Variants in KMO observed in about 807,000 individuals in gnomAD.
The protein encoded by KMO is kynurenine 3-hydroxylase.
KMO carries 24 observed loss-of-function variants against 57.8 expected under a neutral mutation model. The ratio of observed to expected loss-of-function variants is 0.42; its 90% CI spans 0.30 to 0.58. The LOEUF (loss-of-function observed/expected upper bound fraction) is 0.58. Ranked by LOEUF, KMO falls within the 20% of genes least tolerant of loss-of-function variation. KMO has a pLI of 0.22. For missense variants in KMO, 483 were observed against 588.2 expected (o/e 0.82, Z 1.85); for synonymous variants, 210 against 193.6 (o/e 1.08, Z -0.70).
intron 12 of KMO, among the ~76,000 whole-genome samples, chr1:241,589,262 A>G (rs1663149807): frequency 6.6e-6 from 1 of 152,266 alleles, no homozygotes. Flanking sequence ...GCACTAAAAA[A>G]AAATGCATAA....
chr1:241,560,680 C>T lies in KMO; in HGVS notation c.377C>T (p.Pro126Leu). The T allele has an allele frequency of 6.2e-7, 1 of 1,612,424 alleles. No individual in the cohort carries two copies. The highest frequency in any genetic ancestry group is 8.5e-7 in the Non-Finnish European group (1 of 1,178,538). ...ATTTCCTCAGCTGCTGAGAAATACC[C>T]CAATGTGAAAATGCACTTTAACCAC... is the stretch of plus-strand genomic sequence containing the variant. ...KDLLTAAEKY[P>L]NVKMHFNHRL... is the part of the protein sequence containing the mutation. The change falls in exon 6 of 15, where the codon CCC (proline) becomes CTC (leucine). Residue 126 changes from proline to leucine, a missense_variant. This residue lies in a region of KMO where 410 missense variants were observed against 492.3 expected (regional missense o/e 0.83). Transcript: ENST00000366559.
At position 241,594,447 on chromosome 1, in the gene KMO, A is replaced by T; in HGVS notation, c.*2294A>T. 1 of 1,613,318 alleles carries T rather than the reference A, an allele frequency of 6.2e-7. No individual in the cohort carries two copies. Among genetic ancestry groups the T allele is most frequent in the Non-Finnish European group, 8.5e-7 (1 of 1,179,308 alleles). Reference sequence around the variant, plus strand: ...TCATTCCTACAAAGGACGAACTTGGATTACATCAACTTTGGACCCATTGGT... The same window carrying T: ...TCATTCCTACAAAGGACGAACTTGGTTTACATCAACTTTGGACCCATTGGT... On this transcript the variant is annotated 3_prime_UTR_variant, in exon 15 of 15. Transcript: ENST00000366559.
At chr1:241,561,777 C>A (rs1234481264) in intron 6 of KMO, among the ~76,000 whole-genome samples, 1 of 152,170 alleles carries the variant, frequency 6.6e-6, no homozygotes, top group African/African-American at 2.4e-5. Context: ...TTTTCTTAAG[C>A]TTTTCTTCTA....
At chr1:241,578,068 C>G (rs1015281711) in intron 10 of KMO, among the ~76,000 whole-genome samples, 4 of 152,138 alleles carry the variant, frequency 2.6e-5, no homozygotes, top group Non-Finnish European at 5.9e-5. Context: ...CTTGTGCAAG[C>G]CTGAGCCTGA....
chr1:241,571,913 C>A (rs1157104603), intron 10 of KMO, among the ~76,000 whole-genome samples: 1 of 128,976 alleles, frequency 7.8e-6, no homozygotes, highest in Non-Finnish European at 1.6e-5. Context: ...TGTTGCCAGG[C>A]TGGAGTGCAG....
chr1:241,591,494 C>T (rs1663299490), intron 14 of KMO, among the ~76,000 whole-genome samples: 1 of 152,006 alleles, frequency 6.6e-6, no homozygotes, highest in African/African-American at 2.4e-5. Flanking sequence ...CTGGAATGAG[C>T]CTCAGGCCAC....
Position 241,554,420 on chromosome 1 carries a change from C to T in KMO, c.313-1192C>T, listed in dbSNP as rs115060205. On this transcript the variant is annotated intron_variant, in intron 4 of 14. Transcript: ENST00000366559. Reference sequence around the variant, plus strand: ...CCTCAGCTTCCTGTGACTACAGGCACGCGCCACCAGACCCGGCTTGTTTTT... The same window carrying T: ...CCTCAGCTTCCTGTGACTACAGGCATGCGCCACCAGACCCGGCTTGTTTTT... Among the ~76,000 whole-genome samples, 425 of 151,830 alleles carry T rather than the reference C, an allele frequency of 2.8e-3. 2 individuals are homozygous for T. Among genetic ancestry groups the T allele is most frequent in the African/African-American group, 6.6e-3 (273 of 41,464 alleles).
intron 1 of KMO, among the ~76,000 whole-genome samples, chr1:241,535,112 A>G (rs1195004625): frequency 6.6e-6 from 1 of 152,182 alleles, no homozygotes. Context: ...ACTTAATGAT[A>G]TAAAGGTGAA....
At chr1:241,580,182 C>T (rs952257238) in intron 10 of KMO, among the ~76,000 whole-genome samples, 3 of 152,106 alleles carry the variant, frequency 2.0e-5, no homozygotes, top group African/African-American at 4.8e-5. Flanking sequence ...TTTAAAGGGT[C>T]TTATGGTTTC....
Position 241,539,502 on chromosome 1 carries a change from T to C in KMO, c.54+7004T>C, listed in dbSNP as rs544161996. Among the ~76,000 whole-genome samples the C allele has an allele frequency of 3.7e-4, 56 of 152,280 alleles. No homozygotes were observed. In the South Asian group the frequency reaches 6.8e-3, roughly 19 times the overall value. Reference sequence around the variant, plus strand: ...TGAGAAATTAAAAGCAAATAGAATCTAATGTAGGCTCTCAAAAACATCAAA... The same window carrying C: ...TGAGAAATTAAAAGCAAATAGAATCCAATGTAGGCTCTCAAAAACATCAAA... On this transcript the variant is annotated intron_variant, in intron 1 of 14. Transcript: ENST00000366559.
At chr1:241,575,394 A>C (rs1190361056) in intron 10 of KMO, among the ~76,000 whole-genome samples, 1 of 152,016 alleles carries the variant, frequency 6.6e-6, no homozygotes, top group Non-Finnish European at 1.5e-5. Flanking sequence ...TTTTTGATGT[A>C]GGCATTTAAT....
intron 2 of KMO, among the ~76,000 whole-genome samples, chr1:241,549,245 GAAAGAAAGAAAGAAAGA>G (rs1558414839): frequency 9.9e-5 from 2 of 20,170 alleles, no homozygotes; most frequent in Admixed American, 4.2e-4. Flanking sequence ...AAGAAAGAAA[GAAAGAAAGAAAGAAAGA>G]AAGAAAGGAA....
At chr1:241,565,558 TAAA>T (rs56260608) in intron 8 of KMO, among the ~76,000 whole-genome samples, 54,393 of 128,642 alleles carry the variant, frequency 0.42, 11,463 homozygotes, top group Non-Finnish European at 0.49. Context: ...TTGCCTCTAC[TAAA>T]AAAAAAAAAA....
At chr1:241,542,974 A>G (rs1002258567) in intron 1 of KMO, among the ~76,000 whole-genome samples, 6 of 152,212 alleles carry the variant, frequency 3.9e-5, no homozygotes, top group African/African-American at 1.4e-4. Flanking sequence ...GAACCGACGT[A>G]ACACCTACTA....
chr1:241,538,450 A>G (rs914532700), intron 1 of KMO, among the ~76,000 whole-genome samples: 1 of 152,352 alleles, frequency 6.6e-6, no homozygotes, highest in East Asian at 1.9e-4. Context: ...TTAAGCAACT[A>G]TTACCATAGT....
At chr1:241,559,633 A>G (rs1185097271) in intron 5 of KMO, among the ~76,000 whole-genome samples, 1 of 152,198 alleles carries the variant, frequency 6.6e-6, no homozygotes, top group African/African-American at 2.4e-5. Flanking sequence ...AATCAAACTG[A>G]AACAAAAAAG....
chr1:241,590,762 A>G (rs1277766908), intron 14 of KMO, among the ~76,000 whole-genome samples: 1 of 76,578 alleles, frequency 1.3e-5, no homozygotes, highest in Non-Finnish European at 2.6e-5. Context: ...TATTTGGTAC[A>G]TAGATAGCAC....
intron 3 of KMO, among the ~76,000 whole-genome samples, chr1:241,550,696 C>T (rs72766090): frequency 0.1 from 15,961 of 152,080 alleles, 1,131 homozygotes; most frequent in African/African-American, 0.21. Flanking sequence ...CAAATCACTT[C>T]CCTCAATCTG....
intron 3 of KMO, among the ~76,000 whole-genome samples, chr1:241,550,690 T>C (rs1027266408): frequency 6.6e-6 from 1 of 152,168 alleles, no homozygotes; most frequent in Admixed American, 6.5e-5. Flanking sequence ...TAACAACAAA[T>C]CACTTCCCTC....
Sources: allele counts gnomAD v4.1 joint callset (sites outside exome capture counted in the v4.1 genomes callset), GRCh38; gene constraint gnomAD v4.1.1; regional missense constraint gnomAD v4.1.1; transcripts MANE v1.5; gene names NCBI Gene and HGNC (gene_info 2026-07-23, HGNC 2026-07-21).